IL23R: variants seen among roughly 807,000 people sequenced by gnomAD.
IL23R encodes the protein interleukin-23 receptor.
Under a neutral mutation model 56.9 loss-of-function variants are expected in IL23R, and 34 were observed. The observed-to-expected ratio is 0.60, with a 90% confidence interval of 0.45 to 0.80. The LOEUF is 0.80. Among genes scored for constraint, IL23R ranks in the 30% least tolerant of loss-of-function variants. The pLI is 0.00. For missense variants in IL23R, 635 were observed against 730.0 expected (o/e 0.87, Z 1.50); for synonymous variants, 230 against 249.2 (o/e 0.92, Z 0.73).
intron 3 of IL23R, among the ~76,000 whole-genome samples, chr1:67,182,044 T>TG (rs1479794949): frequency 6.6e-6 from 1 of 152,188 alleles, no homozygotes; most frequent in Non-Finnish European, 1.5e-5. Flanking sequence ...CTGCCCCTAC[T>TG]GGGGGGTGCC....
chr1:67,200,288 C>T (rs1191479229), intron 4 of IL23R, among the ~76,000 whole-genome samples: 14 of 151,444 alleles, frequency 9.2e-5, no homozygotes, highest in South Asian at 6.3e-4. Flanking sequence ...GTGATCCGCC[C>T]GCCTCGGCCT....
chr1:67,167,730 A>G (rs1000396487), intron 1 of IL23R, among the ~76,000 whole-genome samples: 1 of 152,140 alleles, frequency 6.6e-6, no homozygotes, highest in Admixed American at 6.5e-5. Context: ...GTCTCTAAAA[A>G]AATTTAAAAC....
At chr1:67,205,438 C>T (rs1449707325) in intron 5 of IL23R, among the ~76,000 whole-genome samples, 3 of 152,260 alleles carry the variant, frequency 2.0e-5, no homozygotes, top group Admixed American at 6.5e-5. Context: ...TCTAAAACCA[C>T]GCCTACAGGC....
intron 7 of IL23R, among the ~76,000 whole-genome samples, chr1:67,232,633 G>A (rs943499087): frequency 6.6e-6 from 1 of 152,112 alleles, no homozygotes; most frequent in African/African-American, 2.4e-5. Context: ...GTGTGATTGG[G>A]TTGTTGTGAG....
At chr1:67,199,904 G>A (rs191850747) in intron 4 of IL23R, among the ~76,000 whole-genome samples, 3 of 152,334 alleles carry the variant, frequency 2.0e-5, no homozygotes, top group African/African-American at 4.8e-5. Flanking sequence ...TCCAGGCACA[G>A]TGGCTCATGC....
intron 9 of IL23R, among the ~76,000 whole-genome samples, chr1:67,252,988 T>C (rs1264086679): frequency 6.6e-6 from 1 of 152,146 alleles, no homozygotes; most frequent in Non-Finnish European, 1.5e-5. Flanking sequence ...AGGCACATAC[T>C]CCTAAGTCAG....
chr1:67,188,271 T>G (rs997501848), intron 4 of IL23R, among the ~76,000 whole-genome samples: 29 of 152,190 alleles, frequency 1.9e-4, no homozygotes, highest in African/African-American at 7.0e-4. Context: ...CTTATCCAAG[T>G]TCCAGGCAGG....
chr1:67,175,397 C>T (rs577613250), intron 3 of IL23R, among the ~76,000 whole-genome samples: 10 of 152,216 alleles, frequency 6.6e-5, no homozygotes, highest in Admixed American at 2.0e-4. Context: ...AGTTCAGTGG[C>T]ACTAAGTACA....
At position 67,258,893 on chromosome 1, in the gene IL23R, T is replaced by C; in HGVS notation, c.1655T>C (p.Ile552Thr). Reference protein sequence around the residue: ...NTIFLGELSLILNQGECSSPD... With the variant: ...NTIFLGELSLTLNQGECSSPD... ...ATATTTCTTGGAGAATTAAGCCTCA[T>C]ATTAAATCAAGGAGAATGCAGTTCT... Residue 552 changes from isoleucine (I) to threonine (T), a missense_variant, in exon 11 of 11, where the codon ATA becomes ACA. Physicochemically the swap from Ile to Thr is moderately conservative, Grantham distance 89. Transcript: ENST00000347310. The C allele has an allele frequency of 6.2e-7, 1 of 1,614,076 alleles. No individual in the cohort carries two copies. The highest frequency in any genetic ancestry group is 8.5e-7 in the Non-Finnish European group (1 of 1,180,000).
chr1:67,184,910 A>G (rs372940666), intron 4 of IL23R, among the ~76,000 whole-genome samples: 1 of 152,178 alleles, frequency 6.6e-6, no homozygotes, highest in African/African-American at 2.4e-5. Flanking sequence ...TAAAGCCCTC[A>G]TGGATGGAAT....
chr1:67,165,841 A>C (rs548448049), upstream of IL23R, among the ~76,000 whole-genome samples: 9 of 152,258 alleles, frequency 5.9e-5, no homozygotes, highest in South Asian at 6.2e-4. Flanking sequence ...TATTGGTCGA[A>C]GGGCATAAAC....
chr1:67,219,139 G>A (rs184711322), intron 6 of IL23R, among the ~76,000 whole-genome samples: 1 of 152,096 alleles, frequency 6.6e-6, no homozygotes, highest in Non-Finnish European at 1.5e-5. Context: ...GGCCAAGGTG[G>A]GCGGATCACT....
At position 67,199,342 on chromosome 1, in the gene IL23R, T is replaced by C. The variant is rs150538967; in HGVS notation, c.492-1395T>C. 2.8e-4 allele frequency among the ~76,000 whole-genome samples: 43 copies of C among 152,254 alleles called. No homozygotes were observed. The East Asian group carries it at 7.0e-3, about 25-fold the overall frequency. On this transcript the variant is annotated intron_variant, in intron 4 of 10. Transcript: ENST00000347310. The stretch of plus-strand genomic sequence containing the variant: ...GGAGGTTGGCCTTCCCCCTACCCCA[T>C]TGCGATCTCTCACCCCATCCTGACT...
At chr1:67,204,923 C>T (rs567613252) in intron 5 of IL23R, among the ~76,000 whole-genome samples, 3 of 152,134 alleles carry the variant, frequency 2.0e-5, no homozygotes, top group Non-Finnish European at 4.4e-5. Flanking sequence ...GGATTACAGG[C>T]GTCTGCCACA....
intron 5 of IL23R, among the ~76,000 whole-genome samples, chr1:67,204,969 G>A (rs1244118629): frequency 1.3e-5 from 2 of 152,030 alleles, no homozygotes; most frequent in Non-Finnish European, 2.9e-5. Flanking sequence ...AGTAGAGACA[G>A]GTGTTTCGCT....
intron 4 of IL23R, among the ~76,000 whole-genome samples, chr1:67,188,145 G>A (rs1292110613): frequency 1.3e-5 from 2 of 152,190 alleles, no homozygotes; most frequent in East Asian, 1.9e-4. Flanking sequence ...ATTATATGTA[G>A]TAACAGATGG....
intron 5 of IL23R, among the ~76,000 whole-genome samples, chr1:67,201,867 T>C (rs1407342475): frequency 6.6e-6 from 1 of 151,844 alleles, no homozygotes; most frequent in Non-Finnish European, 1.5e-5. Flanking sequence ...ATCTATAGTT[T>C]TATTTTTAAT....
chr1:67,207,216 T>A (rs1264129142), intron 6 of IL23R, 161 bp downstream of exon 6: 4 of 832,532 alleles, frequency 4.8e-6, no homozygotes, highest in Non-Finnish European at 7.9e-6. Flanking sequence ...ATTTCAACTT[T>A]TATTTTAGAT....
At chr1:67,246,573 A>C (rs1652240652) in intron 9 of IL23R, among the ~76,000 whole-genome samples, 1 of 152,194 alleles carries the variant, frequency 6.6e-6, no homozygotes, top group Non-Finnish European at 1.5e-5. Flanking sequence ...TTATTTACCC[A>C]GTAGTCACTC....
Sources: allele counts gnomAD v4.1 joint callset (sites outside exome capture counted in the v4.1 genomes callset), GRCh38; gene constraint gnomAD v4.1.1; transcripts MANE v1.5; gene names NCBI Gene and HGNC (gene_info 2026-07-23, HGNC 2026-07-21).